The following PCDHGA3 variants were observed in gnomAD, a reference collection of about 807,000 sequenced individuals.
PCDHGA3 encodes protocadherin gamma-A3.
In PCDHGA3, 40 loss-of-function variants were observed where a neutral mutation model predicts 58.5. The observed-to-expected ratio is 0.68, with a 90% CI of 0.53 to 0.89. PCDHGA3 has a LOEUF of 0.89. Among genes scored for constraint, PCDHGA3 ranks in the 40% least tolerant of loss-of-function variants. PCDHGA3 has a pLI of 0.00. For synonymous variants in PCDHGA3, 530 were observed against 525.7 expected, an observed-to-expected ratio of 1.01 and a Z score of -0.11; for missense variants, 1,223 against 1,195.9, an observed-to-expected ratio of 1.02 and a Z score of -0.33.
At chr5:141,458,651 C>T (rs924873907) in intron 1 of PCDHGA3, among the ~76,000 whole-genome samples, 1 of 152,114 alleles carries the variant, frequency 6.6e-6, no homozygotes. Context: ...CTCACTGCAA[C>T]CTCCACCTCT....
intron 1 of PCDHGA3, chr5:141,355,736 C>T (rs746630262): frequency 1.2e-6 from 2 of 1,613,962 alleles, no homozygotes; most frequent in Non-Finnish European, 1.7e-6. Flanking sequence ...GGTTACTTTT[C>T]CCTGGACGTG....
intron 1 of PCDHGA3, among the ~76,000 whole-genome samples, chr5:141,387,290 A>G (rs2090890389): frequency 6.6e-6 from 1 of 152,168 alleles, no homozygotes; most frequent in Non-Finnish European, 1.5e-5. Flanking sequence ...GAAAGATAAA[A>G]TGTATCCAGT....
intron 1 of PCDHGA3, chr5:141,362,678 T>C: frequency 8.3e-7 from 1 of 1,209,742 alleles, no homozygotes; most frequent in Admixed American, 2.9e-5. Flanking sequence ...GCCTTAATTG[T>C]CTTAATCTTA....
intron 2 of PCDHGA3, among the ~76,000 whole-genome samples, chr5:141,502,654 C>G (rs1424933188): frequency 6.6e-6 from 1 of 152,112 alleles, no homozygotes; most frequent in African/African-American, 2.4e-5. Context: ...TAGGCAGCAA[C>G]CCTTCATGCA....
At chr5:141,359,719 A>G (rs888615978) in intron 1 of PCDHGA3, among the ~76,000 whole-genome samples, 1 of 152,136 alleles carries the variant, frequency 6.6e-6, no homozygotes, top group Non-Finnish European at 1.5e-5. Flanking sequence ...AAACTTTAAC[A>G]CTCATTTCCC....
intron 1 of PCDHGA3, chr5:141,389,589 G>C (rs780685929): frequency 8.1e-6 from 13 of 1,613,168 alleles, no homozygotes; most frequent in Non-Finnish European, 1.1e-5. Context: ...GGGTCCCGAC[G>C]GCTCTGCGCT....
rs539901154 is a variant in PCDHGA3, at chr5:141,413,036, T to C, written c.2424+66579T>C. 238 of 805,778 alleles carry C rather than the reference T, an allele frequency of 3.0e-4. 1 individual carries two copies. Among genetic ancestry groups the C allele is most frequent in the Non-Finnish European group, 4.2e-4 (226 of 532,568 alleles). 49.9% of individuals were successfully genotyped at this position (805,778 alleles called of 1,614,324 possible). On this transcript the variant is annotated intron_variant, in intron 1 of 3. Transcript: ENST00000253812. ...TACACAAGCCCCACAAACCGGCTGC[T>C]GGGCTGCAGGGAAGCTCACTCCAGA...
chr5:141,431,648 A>G lies in PCDHGA3; in HGVS notation c.2425-63159A>G. 2 of 1,614,240 alleles carry G rather than the reference A, an allele frequency of 1.2e-6. No individual in the cohort carries two copies. The highest frequency in any genetic ancestry group is 1.7e-6 in the Non-Finnish European group (2 of 1,180,046). On this transcript the variant is annotated intron_variant, in intron 1 of 3. Transcript: ENST00000253812. The surrounding 1 kb of genome is among the most constrained non-coding windows in gnomAD (Gnocchi z 4.8). ...GGCCCAAGTTTTCAAACTAGATTGT[A>G]ATTCAGGGACAATATCAACAATAGG...
intron 1 of PCDHGA3, chr5:141,372,944 T>C: frequency 5.1e-6 from 4 of 788,876 alleles, no homozygotes; most frequent in Non-Finnish European, 7.7e-6. Context: ...GTAGGGTGTC[T>C]AGGAAATTCT....
chr5:141,436,859 A>T (rs550974791), intron 1 of PCDHGA3, among the ~76,000 whole-genome samples: 1 of 152,250 alleles, frequency 6.6e-6, no homozygotes, highest in Non-Finnish European at 1.5e-5. Flanking sequence ...TTGAGAAGCC[A>T]CAGTTTTAGG....
intron 1 of PCDHGA3, chr5:141,351,914 A>C (rs2149766078): frequency 6.2e-7 from 1 of 1,613,370 alleles, no homozygotes. Flanking sequence ...GGGCGACCTC[A>C]ATGACAATGC....
At chr5:141,366,324 C>G in intron 1 of PCDHGA3, 1 of 1,613,838 alleles carries the variant, frequency 6.2e-7, no homozygotes, top group Non-Finnish European at 8.5e-7. Context: ...GTTGCCGTGG[C>G]CGACAGGATC....
At chr5:141,351,685 G>T (rs376017038) in intron 1 of PCDHGA3, 3 of 1,613,948 alleles carry the variant, frequency 1.9e-6, no homozygotes, top group East Asian at 4.5e-5. Flanking sequence ...CCTCCGACCC[G>T]GATTTGGGAC....
chr5:141,351,409 G>A, intron 1 of PCDHGA3: 2 of 1,611,420 alleles, frequency 1.2e-6, no homozygotes, highest in Non-Finnish European at 1.7e-6. Context: ...GCTATACTCA[G>A]GAAGAAGTTC....
Position 141,344,310 on chromosome 5 carries a change from G to C in PCDHGA3, c.277G>C (p.Glu93Gln), listed in dbSNP as rs372211258. ...SLVTAERIDR[E>Q]ELCAQIPLCL... ...GGTCACCGCGGAGAGGATAGACCGG[G>C]AGGAGCTCTGCGCTCAGATCCCGCT... is the stretch of plus-strand genomic sequence containing the variant. The change falls in exon 1 of 4, where the codon GAG becomes CAG. Residue 93 changes from glutamate to glutamine, a missense_variant. Glu to Gln is a conservative substitution (Grantham distance 29). This residue lies in a region of PCDHGA3 where 791 missense variants were observed against 708.5 expected (regional missense o/e 1.12). Transcript: ENST00000253812. 1.9e-6 allele frequency: 3 copies of C among 1,614,090 alleles called. No homozygotes were observed. Among genetic ancestry groups the C allele is most frequent in the Non-Finnish European group, 2.5e-6 (3 of 1,179,934 alleles).
chr5:141,401,342 C>CA (rs929380194), intron 1 of PCDHGA3, among the ~76,000 whole-genome samples: 26 of 150,494 alleles, frequency 1.7e-4, no homozygotes, highest in East Asian at 1.6e-3. Context: ...AACTCCATCT[C>CA]AAAAAAAAGG....
rs374680392 is a variant in PCDHGA3, at chr5:141,350,390, C to G, written c.2424+3933C>G. 1.1e-4 allele frequency: 173 copies of G among 1,596,702 alleles called. No individual in the cohort carries two copies. The highest frequency in any genetic ancestry group is 1.4e-4 in the Non-Finnish European group (167 of 1,169,146). ...TCCAGAGGAGCTAGCCAACGGCTCA[C>G]GGGTGGGGAAACTTGCCAAGGATCT... On this transcript the variant is annotated intron_variant, in intron 1 of 3. Transcript: ENST00000253812.
At chr5:141,443,109 C>A (rs373919534) in intron 1 of PCDHGA3, among the ~76,000 whole-genome samples, 2 of 152,100 alleles carry the variant, frequency 1.3e-5, no homozygotes, top group South Asian at 2.1e-4. Flanking sequence ...CTGAACCTTG[C>A]TTTTCAAACC....
Position 141,487,893 on chromosome 5 carries a change from G to A in PCDHGA3, c.2425-6914G>A. Reference sequence around the variant, plus strand: ...AGCCAGGCTGTTGTGGAAGCATGATGATGGAATGTGGGAGCACAGGAGGCT... The same window carrying A: ...AGCCAGGCTGTTGTGGAAGCATGATAATGGAATGTGGGAGCACAGGAGGCT... On this transcript the variant is annotated intron_variant, in intron 1 of 3. Coordinates refer to ENST00000253812, the MANE Select transcript of PCDHGA3 (RefSeq NM_018916.4). The surrounding 1 kb of genome is among the most constrained non-coding windows in gnomAD (Gnocchi z 5.0). The A allele has an allele frequency of 1.4e-6, 1 of 731,472 alleles. No individual in the cohort carries two copies. The highest frequency in any genetic ancestry group is 2.2e-6 in the Non-Finnish European group (1 of 450,166). 45.3% of individuals were successfully genotyped at this position (731,472 alleles called of 1,614,324 possible). A position where few individuals can be genotyped will look rare whatever the true frequency, so the allele number is the denominator to read the frequency against.
Sources: gnomAD v4.1 joint callset for allele counts (sites outside exome capture counted in the v4.1 genomes callset) on GRCh38, gnomAD v4.1.1 for gene constraint, gnomAD v4.1.1 regional missense constraint, Gnocchi (gnomAD v3.1) non-coding constraint, MANE v1.5 for transcripts, NCBI Gene and HGNC (gene_info 2026-07-23, HGNC 2026-07-21) for gene names.